The following AFF1 variants were observed in gnomAD, a reference collection of about 807,000 sequenced individuals.
The protein encoded by AFF1 is ALF transcription elongation factor 1.
In AFF1, 48 loss-of-function variants were observed where a neutral mutation model predicts 121.7. That is an observed-to-expected ratio of 0.39 (90% CI 0.31 to 0.50). The LOEUF (loss-of-function observed/expected upper bound fraction) is 0.50, where lower values mean the gene tolerates loss of function less well. Ranked by LOEUF, AFF1 falls within the 20% of genes least tolerant of loss-of-function variation. The probability of loss-of-function intolerance (pLI) is 0.76; values close to 1 mark genes in which losing one functional copy is unlikely to be tolerated. For synonymous variants in AFF1, 613 were observed against 563.0 expected (o/e 1.09, Z -1.26); for missense variants, 1,523 against 1,511.7 (o/e 1.01, Z -0.12).
At chr4:87,072,145 C>T (rs1413353662) in intron 4 of AFF1, among the ~76,000 whole-genome samples, 2 of 152,108 alleles carry the variant, frequency 1.3e-5, no homozygotes, top group African/African-American at 4.8e-5. Context: ...GGGCGGATCA[C>T]GAAGTCAGGA....
chr4:87,063,134 C>T lies in AFF1; in HGVS notation c.1059+15540C>T, dbSNP rs143078350. On this transcript the variant is annotated intron_variant, in intron 4 of 20. Transcript: ENST00000395146. The stretch of plus-strand genomic sequence containing the variant: ...GTTAAACCTTTATATCGATGTCTGG[C>T]ATATAGTAAGTATGTAATAGCTGCT... Among the ~76,000 whole-genome samples the T allele has an allele frequency of 1.2e-3, 175 of 149,384 alleles. 1 individual carries two copies. Among genetic ancestry groups the T allele is most frequent in the African/African-American group, 4.0e-3 (162 of 40,548 alleles).
chr4:87,126,886 T>C, intron 14 of AFF1, 140 bp from the exon 15 acceptor site: 1 of 704,462 alleles, frequency 1.4e-6, no homozygotes, highest in Non-Finnish European at 2.4e-6. Context: ...TGAGGAAGTG[T>C]TTAGCCAGGG....
intron 12 of AFF1, among the ~76,000 whole-genome samples, chr4:87,117,627 G>C (rs1727257648): frequency 6.6e-6 from 1 of 152,188 alleles, no homozygotes; most frequent in Non-Finnish European, 1.5e-5. Flanking sequence ...AGTGTGCAGT[G>C]TTTAGACATC....
At chr4:87,096,463 CT>C (rs1193640227) in intron 8 of AFF1, among the ~76,000 whole-genome samples, 53 of 141,980 alleles carry the variant, frequency 3.7e-4, no homozygotes, top group African/African-American at 1.3e-3. Flanking sequence ...AAGTCCTGGG[CT>C]AAAGCAGTTC....
chr4:87,001,710 C>G (rs1725741870), intron 2 of AFF1, among the ~76,000 whole-genome samples: 1 of 152,140 alleles, frequency 6.6e-6, no homozygotes, highest in African/African-American at 2.4e-5. Flanking sequence ...AGGAGGGCTG[C>G]TTTGTGTTGA....
intron 4 of AFF1, among the ~76,000 whole-genome samples, chr4:87,075,665 C>T (rs1722587082): frequency 6.6e-6 from 1 of 152,190 alleles, no homozygotes; most frequent in Admixed American, 6.5e-5. Context: ...ATTTAGGCAA[C>T]TACTCTTATA....
chr4:87,017,774 AAG>A (rs2149550945), intron 2 of AFF1, among the ~76,000 whole-genome samples: 1 of 152,234 alleles, frequency 6.6e-6, no homozygotes, highest in Non-Finnish European at 1.5e-5. Context: ...CTGCCTGGGG[AAG>A]GTGGTGACTA....
At chr4:87,037,400 C>T (rs1001657043) in intron 2 of AFF1, among the ~76,000 whole-genome samples, 2 of 152,118 alleles carry the variant, frequency 1.3e-5, no homozygotes, top group African/African-American at 4.8e-5. Flanking sequence ...CAACCTCCAC[C>T]TCCTGGGTTC....
chr4:87,037,694 C>T (rs1448460618), intron 2 of AFF1, among the ~76,000 whole-genome samples: 8 of 152,134 alleles, frequency 5.3e-5, no homozygotes, highest in Non-Finnish European at 4.4e-5. Context: ...CTGGCAAGTT[C>T]ATTTTGAAAG....
chr4:86,953,400 G>C (rs1285260036), intron 2 of AFF1, among the ~76,000 whole-genome samples: 2 of 152,214 alleles, frequency 1.3e-5, no homozygotes, highest in Non-Finnish European at 2.9e-5. Context: ...GATGTGTATT[G>C]AGTACGCAGC....
At chr4:87,123,410 A>G (rs1341347760) in intron 12 of AFF1, among the ~76,000 whole-genome samples, 2 of 152,244 alleles carry the variant, frequency 1.3e-5, no homozygotes, top group Non-Finnish European at 2.9e-5. Flanking sequence ...CATGCAGGAC[A>G]GTGAGAACTG....
intron 2 of AFF1, among the ~76,000 whole-genome samples, chr4:86,976,165 G>A (rs1401324465): frequency 1.3e-5 from 2 of 152,266 alleles, no homozygotes; most frequent in East Asian, 3.9e-4. Context: ...AGGATGTGGG[G>A]AGGGTTGGCT....
Position 87,079,424 on chromosome 4 carries a change from C to T in AFF1, c.1060-4696C>T, listed in dbSNP as rs142179714. Among the ~76,000 whole-genome samples, 772 of 152,320 alleles carry T rather than the reference C, an allele frequency of 5.1e-3. 11 individuals are homozygous for T. The highest frequency in any genetic ancestry group is 0.017 in the African/African-American group (697 of 41,570). The stretch of plus-strand genomic sequence containing the variant: ...ATCAGGCCACGGCCAGCATTGCTGC[C>T]TTTTCTGGTCCGAAGCACTGGTAGT... On this transcript the variant is annotated intron_variant, in intron 4 of 20. Transcript: ENST00000395146.
chr4:86,979,719 A>G (rs996050860), intron 2 of AFF1, among the ~76,000 whole-genome samples: 3 of 152,222 alleles, frequency 2.0e-5, no homozygotes, highest in African/African-American at 7.2e-5. Context: ...TGTCTATCGG[A>G]GTGGCAAAAA....
At chr4:87,109,403 A>G (rs769772376) in intron 11 of AFF1, among the ~76,000 whole-genome samples, 1 of 152,238 alleles carries the variant, frequency 6.6e-6, no homozygotes, top group African/African-American at 2.4e-5. Flanking sequence ...AGAGCTTGAT[A>G]TGTTTTGGAG....
intron 3 of AFF1, 128 bp from the exon 4 acceptor site, chr4:87,046,567 G>A (rs1398916389): frequency 9.4e-7 from 1 of 1,060,424 alleles, no homozygotes; most frequent in African/African-American, 1.6e-5. Context: ...AGTTAAAATG[G>A]CACATTAAAT....
rs1723449155 is a variant in AFF1, at chr4:87,084,171, T to A, written c.1104+7T>A. 2 of 1,613,114 alleles carry A rather than the reference T, an allele frequency of 1.2e-6. No individual in the cohort carries two copies. Among genetic ancestry groups the A allele is most frequent in the Non-Finnish European group, 1.7e-6 (2 of 1,179,144 alleles). ...TGTTGAAGAGATTCTGAAGGTGAGTTCACTGTTAATCTTTCTCATTTGAAG... is the reference window on the plus strand; with the variant it reads ...TGTTGAAGAGATTCTGAAGGTGAGTACACTGTTAATCTTTCTCATTTGAAG... On this transcript the variant is annotated splice_region_variant and intron_variant, in intron 5 of 20. Coordinates refer to ENST00000395146, the MANE Select transcript of AFF1 (RefSeq NM_001166693.3).
rs1309322003 is a variant in AFF1 at position 87,127,038 on chromosome 4, G to T, written c.2824G>T (p.Asp942Tyr). ...TTTTTTTTTGAAGGGTTCTTCCGGA[G>T]ATACTGCAAATCCTTTTCCAGTGCC... ...SSSEHKGSSG[D>Y]TANPFPVPSL... The change falls in exon 15 of 21, where the codon GAT becomes TAT. Residue 942 changes from aspartate (D) to tyrosine (Y), a missense_variant. Around this residue, in one of 5 missense-constraint regions of AFF1, gnomAD observed 905 missense variants for 842.5 expected, o/e 1.07. Coordinates refer to ENST00000395146, the MANE Select transcript of AFF1 (RefSeq NM_001166693.3). The T allele has an allele frequency of 6.8e-6, 11 of 1,613,614 alleles. No homozygotes were observed. The highest frequency in any genetic ancestry group is 9.3e-6 in the Non-Finnish European group (11 of 1,179,836).
At chr4:87,130,985 A>G in intron 16 of AFF1, 98 bp from the exon 17 acceptor site, 2 of 1,487,850 alleles carry the variant, frequency 1.3e-6, no homozygotes, top group East Asian at 2.3e-5. Context: ...CCATAATTAA[A>G]CTAAGACAGT....
Sources: allele counts gnomAD v4.1 joint callset (sites outside exome capture counted in the v4.1 genomes callset), GRCh38; gene constraint gnomAD v4.1.1; regional missense constraint gnomAD v4.1.1; transcripts MANE v1.5; gene names NCBI Gene and HGNC (gene_info 2026-07-23, HGNC 2026-07-21).